The following JMJD1C variants were observed in gnomAD, a reference collection of about 807,000 sequenced individuals.
The protein encoded by JMJD1C is jumonji domain containing 1C.
Under a neutral mutation model 245.3 loss-of-function variants are expected in JMJD1C, and 31 were observed. That is an observed-to-expected ratio of 0.13 (90% CI 0.09 to 0.17). JMJD1C has a LOEUF of 0.17. JMJD1C is among the 10% of genes least tolerant of loss of function. The pLI, the probability that JMJD1C is intolerant of heterozygous loss-of-function variation, is 1.00. For missense variants in JMJD1C, 2,691 were observed against 3,000.2 expected (o/e 0.90, Z 2.41); for synonymous variants, 1,057 against 1,017.4 (o/e 1.04, Z -0.74).
chr10:63,384,487 T>C (rs756648132), intron 1 of JMJD1C, among the ~76,000 whole-genome samples: 15 of 152,196 alleles, frequency 9.9e-5, no homozygotes, highest in Non-Finnish European at 1.6e-4. Context: ...ATGAAAATAT[T>C]AATCTCCTTG....
intron 2 of JMJD1C, among the ~76,000 whole-genome samples, chr10:63,292,144 A>ATTTTTTTTTTTTTTTTCTTTTTTTT (rs1858842354): frequency 1.8e-5 from 1 of 56,326 alleles, no homozygotes; most frequent in Non-Finnish European, 3.2e-5. Context: ...GTAGAGACAG[A>ATTTTTTTTTTTTTTTTCTTTTTTTT]TTTTTTTTTT....
At chr10:63,287,810 AC>A (rs1858170230) in intron 2 of JMJD1C, among the ~76,000 whole-genome samples, 1 of 151,722 alleles carries the variant, frequency 6.6e-6, no homozygotes. Context: ...GTGCAATGGT[AC>A]GGTCTTGGCT....
intron 1 of JMJD1C, among the ~76,000 whole-genome samples, chr10:63,440,232 G>C (rs929714293): frequency 6.6e-6 from 1 of 152,014 alleles, no homozygotes; most frequent in Non-Finnish European, 1.5e-5. Flanking sequence ...CTACTCAGGA[G>C]GCTGAGGCAG....
intron 2 of JMJD1C, among the ~76,000 whole-genome samples, chr10:63,308,751 C>CA (rs377153800): frequency 0.11 from 5,678 of 49,804 alleles, 141 homozygotes; most frequent in Non-Finnish European, 0.15. Flanking sequence ...CATTTGAGAA[C>CA]AAAAAAAAAA....
chr10:63,189,557 GC>G, intron 17 of JMJD1C, 111 bp from the exon 18 acceptor site: 1 of 847,296 alleles, frequency 1.2e-6, no homozygotes, highest in South Asian at 1.9e-5. Flanking sequence ...TCCACAATAT[GC>G]ACTTCTCTTA....
At chr10:63,423,179 G>A (rs780649502) in intron 1 of JMJD1C, among the ~76,000 whole-genome samples, 1 of 152,116 alleles carries the variant, frequency 6.6e-6, no homozygotes, top group Non-Finnish European at 1.5e-5. Flanking sequence ...TAGCCAGGCT[G>A]TTCTTAAACT....
Position 63,176,312 on chromosome 10 carries a change from C to T in JMJD1C, c.7386G>A (p.Ala2462=), listed in dbSNP as rs540987742. The change falls in exon 24 of 26, where the codon GCG becomes GCA. Residue 2462 remains alanine (A), a synonymous_variant. Coordinates refer to ENST00000399262, the MANE Select transcript of JMJD1C (RefSeq NM_032776.3). ...QFLGDAIVLP[A]GALHQVQNFH... is the part of the protein sequence containing the mutation. ...TTGTATATACCTGATGAAGTGCTCC[C>T]GCTGGCAAAACAATAGCATCACCAA... The T allele has an allele frequency of 2.2e-5, 35 of 1,611,614 alleles. No homozygotes were observed. In the Admixed American group the frequency reaches 3.2e-4, roughly 15 times the overall value.
intron 2 of JMJD1C, among the ~76,000 whole-genome samples, chr10:63,349,905 A>G (rs957361018): frequency 2.0e-5 from 3 of 152,206 alleles, no homozygotes; most frequent in Non-Finnish European, 4.4e-5. Context: ...GGTAAAGAGT[A>G]TCTACATAAA....
chr10:63,330,219 T>C lies in JMJD1C; in HGVS notation c.333+50099A>G, dbSNP rs143037672. Among the ~76,000 whole-genome samples the C allele has an allele frequency of 2.6e-4, 40 of 152,236 alleles. 1 individual carries two copies. The East Asian group carries it at 7.2e-3, about 27-fold the overall frequency. On this transcript the variant is annotated intron_variant, in intron 2 of 25. Transcript: ENST00000399262. The stretch of plus-strand genomic sequence containing the variant: ...ACCCGGCCCTAAGCACGTTTAAAGG[T>C]AGGCTACACTAAGCTATGATGTTTG...
chr10:63,490,390 C>T (rs926118208), intron 1 of JMJD1C, among the ~76,000 whole-genome samples: 16 of 151,526 alleles, frequency 1.1e-4, no homozygotes, highest in African/African-American at 3.9e-4. Flanking sequence ...CTTCACAGCA[C>T]TTAGCACAAT....
chr10:63,512,362 T>A (rs1459512303), intron 1 of JMJD1C, among the ~76,000 whole-genome samples: 1 of 152,214 alleles, frequency 6.6e-6, no homozygotes, highest in Non-Finnish European at 1.5e-5. Flanking sequence ...AAGTCTTTTA[T>A]ACATATTTCT....
chr10:63,286,537 T>C (rs892936654), intron 2 of JMJD1C, among the ~76,000 whole-genome samples: 8 of 152,218 alleles, frequency 5.3e-5, no homozygotes, highest in Non-Finnish European at 1.0e-4. Context: ...AACATCCTAC[T>C]TTCTCAGGAA....
At chr10:63,262,631 T>C (rs1481600289) in intron 3 of JMJD1C, among the ~76,000 whole-genome samples, 1 of 152,118 alleles carries the variant, frequency 6.6e-6, no homozygotes, top group African/African-American at 2.4e-5. Flanking sequence ...AGAAACACAA[T>C]GGTTAAAATG....
intron 1 of JMJD1C, among the ~76,000 whole-genome samples, chr10:63,510,696 T>C (rs1320910196): frequency 6.6e-6 from 1 of 152,224 alleles, no homozygotes; most frequent in Non-Finnish European, 1.5e-5. Flanking sequence ...TAGATGTCAA[T>C]TATACCCAGT....
At chr10:63,467,196 C>T (rs1413537634), upstream of JMJD1C, among the ~76,000 whole-genome samples, 1 of 152,052 alleles carries the variant, frequency 6.6e-6, no homozygotes, top group African/African-American at 2.4e-5. Context: ...TCAAATTTTG[C>T]CAAAGACCAA....
At chr10:63,343,282 C>G (rs558292502) in intron 2 of JMJD1C, among the ~76,000 whole-genome samples, 1 of 151,624 alleles carries the variant, frequency 6.6e-6, no homozygotes, top group African/African-American at 2.4e-5. Flanking sequence ...AGGAGAATTG[C>G]TTGAGCCCAG....
intron 3 of JMJD1C, among the ~76,000 whole-genome samples, chr10:63,247,719 CAAAAAAAA>C (rs71025135): frequency 1.2e-4 from 13 of 105,472 alleles, no homozygotes; most frequent in South Asian, 9.9e-4. Flanking sequence ...GTGACAGAGC[CAAAAAAAA>C]AAAAAAAAAA....
intron 18 of JMJD1C, among the ~76,000 whole-genome samples, chr10:63,187,348 T>G (rs2132935530): frequency 6.6e-6 from 1 of 152,322 alleles, no homozygotes; most frequent in South Asian, 2.1e-4. Flanking sequence ...ATCAGCAGCT[T>G]GTTAAAAGTA....
chr10:63,353,768 A>C (rs1323260625), intron 2 of JMJD1C, among the ~76,000 whole-genome samples: 1 of 152,044 alleles, frequency 6.6e-6, no homozygotes, highest in Non-Finnish European at 1.5e-5. Context: ...CAGCCTCCCA[A>C]GCGCTGGGAT....
Sources: allele counts gnomAD v4.1 joint callset (sites outside exome capture counted in the v4.1 genomes callset), GRCh38; gene constraint gnomAD v4.1.1; transcripts MANE v1.5; gene names NCBI Gene and HGNC (gene_info 2026-07-23, HGNC 2026-07-21).